PALLD: variants seen among roughly 807,000 people sequenced by gnomAD.
PALLD encodes palladin, cytoskeletal associated protein.
Under a neutral mutation model 123.5 loss-of-function variants are expected in PALLD, and 61 were observed. The ratio of observed to expected loss-of-function variants is 0.49; its 90% CI spans 0.40 to 0.61. The LOEUF (loss-of-function observed/expected upper bound fraction) is 0.61. Among genes scored for constraint, PALLD ranks in the 20% least tolerant of loss-of-function variants. The pLI is 0.00. For synonymous variants in PALLD, 465 were observed against 496.4 expected (o/e 0.94, Z 0.84); for missense variants, 1,273 against 1,377.0 (o/e 0.92, Z 1.20).
chr4:168,885,940 C>G (rs529181520), intron 10 of PALLD, among the ~76,000 whole-genome samples: 4 of 152,268 alleles, frequency 2.6e-5, no homozygotes, highest in Admixed American at 1.3e-4. Context: ...CCTACAGTTC[C>G]CATCACCACC....
intron 2 of PALLD, among the ~76,000 whole-genome samples, chr4:168,600,158 A>C (rs1772488580): frequency 6.7e-6 from 1 of 149,728 alleles, no homozygotes; most frequent in Non-Finnish European, 1.5e-5. Context: ...CACTATATAA[A>C]CTGTGTTTGT....
intron 6 of PALLD, 52 bp from the exon 7 acceptor site, chr4:168,690,551 A>T: frequency 6.2e-7 from 1 of 1,610,926 alleles, no homozygotes; most frequent in Non-Finnish European, 8.5e-7. Context: ...GAAATTGCTT[A>T]AAAATGCACC....
intron 2 of PALLD, among the ~76,000 whole-genome samples, chr4:168,618,755 C>A (rs1774467608): frequency 1.3e-5 from 2 of 152,202 alleles, no homozygotes; most frequent in African/African-American, 4.8e-5. Flanking sequence ...TGCCCAGCCA[C>A]AAGAATGAGT....
At chr4:168,740,351 A>G (rs1018264365) in intron 10 of PALLD, among the ~76,000 whole-genome samples, 15 of 152,216 alleles carry the variant, frequency 9.9e-5, no homozygotes, top group African/African-American at 2.7e-4. Flanking sequence ...TGAAATTTTG[A>G]TACTTTAAAG....
chr4:168,765,457 C>A (rs1733538019), intron 10 of PALLD, among the ~76,000 whole-genome samples: 1 of 152,116 alleles, frequency 6.6e-6, no homozygotes, highest in Non-Finnish European at 1.5e-5. Flanking sequence ...TAATGCAAGT[C>A]AGAATGGGTA....
intron 2 of PALLD, among the ~76,000 whole-genome samples, chr4:168,588,305 T>C (rs1771048147): frequency 6.6e-6 from 1 of 151,890 alleles, no homozygotes; most frequent in Non-Finnish European, 1.5e-5. Flanking sequence ...AAATGTGGGG[T>C]TGGGAAAGAG....
At chr4:168,671,528 C>T (rs1015211344) in intron 3 of PALLD, among the ~76,000 whole-genome samples, 2 of 152,192 alleles carry the variant, frequency 1.3e-5, no homozygotes, top group African/African-American at 4.8e-5. Context: ...AGTAAGGAAA[C>T]TGGACATAGC....
intron 10 of PALLD, among the ~76,000 whole-genome samples, chr4:168,799,042 A>G (rs1738922135): frequency 6.6e-6 from 1 of 152,220 alleles, no homozygotes; most frequent in South Asian, 2.1e-4. Context: ...GAACAAATTT[A>G]TAGACAAAAA....
intron 10 of PALLD, among the ~76,000 whole-genome samples, chr4:168,733,145 T>C (rs1404636774): frequency 2.6e-5 from 4 of 152,204 alleles, no homozygotes; most frequent in African/African-American, 7.2e-5. Flanking sequence ...AATTGAGATA[T>C]CTGTCACCTC....
intron 10 of PALLD, among the ~76,000 whole-genome samples, chr4:168,771,483 T>C (rs774750846): frequency 6.6e-6 from 1 of 152,142 alleles, no homozygotes; most frequent in Non-Finnish European, 1.5e-5. Flanking sequence ...TGCTCAATAA[T>C]GTCCCTTCCC....
intron 3 of PALLD, among the ~76,000 whole-genome samples, chr4:168,675,505 A>C (rs1022889090): frequency 1.3e-5 from 2 of 152,166 alleles, no homozygotes; most frequent in Non-Finnish European, 2.9e-5. Context: ...CTGGGTTTTG[A>C]AAACTTTTGG....
intron 10 of PALLD, among the ~76,000 whole-genome samples, chr4:168,852,836 T>G (rs1385927168): frequency 6.6e-6 from 1 of 152,222 alleles, no homozygotes; most frequent in African/African-American, 2.4e-5. Context: ...GCTTTCTAGG[T>G]GTGGATATCA....
At chr4:168,918,553 A>G (rs1266084960) in intron 17 of PALLD, among the ~76,000 whole-genome samples, 1 of 152,182 alleles carries the variant, frequency 6.6e-6, no homozygotes, top group Non-Finnish European at 1.5e-5. Flanking sequence ...AGTTGGGGAA[A>G]TGTTAGTCAA....
intron 10 of PALLD, among the ~76,000 whole-genome samples, chr4:168,873,123 T>A (rs1054004455): frequency 6.6e-6 from 1 of 152,246 alleles, no homozygotes; most frequent in Non-Finnish European, 1.5e-5. Flanking sequence ...AGTATAGGAA[T>A]GTCCTACTGA....
At position 168,878,137 on chromosome 4, in the gene PALLD, C is replaced by G; in HGVS notation, c.1965-12785C>G. ...GCGCTGAGCCCGAGGCCCCGTGGGG[C>G]TCCTCCTCGCCGTCGCCCCCGCCCC... On this transcript the variant is annotated intron_variant, in intron 10 of 21. Coordinates refer to ENST00000505667, the MANE Select transcript of PALLD (RefSeq NM_001166108.2). 1 of 1,486,272 alleles carries G rather than the reference C, an allele frequency of 6.7e-7. No homozygotes were observed. 92.1% of individuals were successfully genotyped at this position (1,486,272 alleles called of 1,614,324 possible). A position where few individuals can be genotyped will look rare whatever the true frequency, so the allele number is the denominator to read the frequency against.
At chr4:168,636,950 G>T (rs1164593309) in intron 2 of PALLD, among the ~76,000 whole-genome samples, 1 of 152,074 alleles carries the variant, frequency 6.6e-6, no homozygotes, top group African/African-American at 2.4e-5. Flanking sequence ...TAGGAGAGGA[G>T]AGTCACAAGC....
At chr4:168,842,409 C>T (rs1313308236) in intron 10 of PALLD, among the ~76,000 whole-genome samples, 1 of 152,194 alleles carries the variant, frequency 6.6e-6, no homozygotes, top group Non-Finnish European at 1.5e-5. Flanking sequence ...TTTCCTTGGC[C>T]ATCCAGAAAT....
chr4:168,677,287 A>C (rs1358026691), intron 3 of PALLD, among the ~76,000 whole-genome samples: 1 of 151,888 alleles, frequency 6.6e-6, no homozygotes, highest in Non-Finnish European at 1.5e-5. Context: ...ACTGGCTGGC[A>C]CAGAGAGGGA....
At chr4:168,636,938 A>T (rs1342849833) in intron 2 of PALLD, among the ~76,000 whole-genome samples, 1 of 152,128 alleles carries the variant, frequency 6.6e-6, no homozygotes, top group African/African-American at 2.4e-5. Flanking sequence ...CAATATCTGA[A>T]GTAGGAGAGG....
Sources: allele counts gnomAD v4.1 joint callset (sites outside exome capture counted in the v4.1 genomes callset), GRCh38; gene constraint gnomAD v4.1.1; transcripts MANE v1.5; gene names NCBI Gene and HGNC (gene_info 2026-07-23, HGNC 2026-07-21).